LPP: variants seen among roughly 807,000 people sequenced by gnomAD.
LPP encodes LIM domain containing preferred translocation partner in lipoma.
In LPP, 38 loss-of-function variants were observed where a neutral mutation model predicts 60.4. That is an observed-to-expected ratio of 0.63 (90% CI 0.49 to 0.83). The LOEUF is 0.83. Among genes scored for constraint, LPP ranks in the 40% least tolerant of loss-of-function variants. The pLI, the probability that LPP is intolerant of heterozygous loss-of-function variation, is 0.00. For missense variants in LPP, 902 were observed against 783.6 expected, an observed-to-expected ratio of 1.15 and a Z score of -1.80; for synonymous variants, 328 against 290.8, an observed-to-expected ratio of 1.13 and a Z score of -1.30.
chr3:188,697,739 C>G (rs1052080094), intron 7 of LPP, among the ~76,000 whole-genome samples: 1 of 152,148 alleles, frequency 6.6e-6, no homozygotes, highest in African/African-American at 2.4e-5. Context: ...TATCACAATC[C>G]TGACATAAGT....
At chr3:188,491,643 A>G (rs1310074780) in intron 5 of LPP, among the ~76,000 whole-genome samples, 2 of 152,136 alleles carry the variant, frequency 1.3e-5, no homozygotes, top group Non-Finnish European at 2.9e-5. Flanking sequence ...TATGTAGGTC[A>G]TTGTGTGTTT....
Position 188,496,130 on chromosome 3 carries a change from C to CTT in LPP, c.306+11435_306+11436dup, listed in dbSNP as rs375294101. Reference sequence around the variant, plus strand: ...AGCCTGCAAATTTCAAAATTGACGTCTTTTTTTTTTGAGACAGGGTCTTCT... The same window carrying CTT: ...AGCCTGCAAATTTCAAAATTGACGTCTTTTTTTTTTTTGAGACAGGGTCTTCT... On this transcript the variant is annotated intron_variant, in intron 5 of 11. Coordinates refer to ENST00000617246, the MANE Select transcript of LPP (RefSeq NM_001375462.1). Among the ~76,000 whole-genome samples the CTT allele has an allele frequency of 4.8e-3, 720 of 148,628 alleles. 8 individuals are homozygous for CTT. The highest frequency in any genetic ancestry group is 0.017 in the African/African-American group (678 of 40,696).
intron 9 of LPP, among the ~76,000 whole-genome samples, chr3:188,769,614 T>G (rs1735218115): frequency 6.6e-6 from 1 of 152,186 alleles, no homozygotes; most frequent in African/African-American, 2.4e-5. Flanking sequence ...ATTTTATAGC[T>G]GAGAAAGCTA....
chr3:188,820,114 C>T (rs1436955339), intron 9 of LPP, among the ~76,000 whole-genome samples: 1 of 152,130 alleles, frequency 6.6e-6, no homozygotes, highest in African/African-American at 2.4e-5. Context: ...AGCAGATTCT[C>T]CCAAGGAAGT....
chr3:188,282,113 C>G (rs1324793295), intron 2 of LPP, among the ~76,000 whole-genome samples: 1 of 151,924 alleles, frequency 6.6e-6, no homozygotes, highest in African/African-American at 2.4e-5. Context: ...CCTTTTCTCT[C>G]TCCTTCCCTC....
intron 11 of LPP, 140 bp from the exon 12 acceptor site, chr3:188,874,211 G>A (rs1768939535): frequency 1.6e-6 from 1 of 635,430 alleles, no homozygotes; most frequent in Admixed American, 2.9e-5. Context: ...GGATACAGGG[G>A]ATTAGCAGAA....
intron 9 of LPP, among the ~76,000 whole-genome samples, chr3:188,828,236 G>A (rs767552062): frequency 1.3e-5 from 2 of 151,998 alleles, no homozygotes; most frequent in African/African-American, 2.4e-5. Context: ...AGAGAAATAA[G>A]CTGGGAGGGA....
At chr3:188,588,007 G>A (rs1263988115) in intron 6 of LPP, among the ~76,000 whole-genome samples, 1 of 152,190 alleles carries the variant, frequency 6.6e-6, no homozygotes, top group Non-Finnish European at 1.5e-5. Flanking sequence ...TTTTCACAAT[G>A]TGTTAACCTG....
chr3:188,794,448 A>C (rs1268280352), intron 9 of LPP, among the ~76,000 whole-genome samples: 1 of 152,206 alleles, frequency 6.6e-6, no homozygotes, highest in East Asian at 1.9e-4. Flanking sequence ...CTGAAACTGC[A>C]ATTTAAGTGA....
At chr3:188,467,014 C>CA (rs1332820755) in intron 4 of LPP, among the ~76,000 whole-genome samples, 1 of 134,996 alleles carries the variant, frequency 7.4e-6, no homozygotes, top group Non-Finnish European at 1.5e-5. Context: ...ATAGATAGAA[C>CA]AATTTTCTCT....
chr3:188,240,236 A>G (rs559845775), intron 2 of LPP: 4 of 175,306 alleles, frequency 2.3e-5, no homozygotes, highest in African/African-American at 7.1e-5. Flanking sequence ...TCCTTTTGGT[A>G]TCAAATTTTA....
chr3:188,485,656 G>A (rs1165714559), intron 5 of LPP, among the ~76,000 whole-genome samples: 2 of 151,340 alleles, frequency 1.3e-5, no homozygotes, highest in African/African-American at 2.4e-5. Flanking sequence ...AATTAGCCGG[G>A]CGTAGTGGCG....
intron 3 of LPP, among the ~76,000 whole-genome samples, chr3:188,387,628 A>G (rs1009785899): frequency 6.7e-6 from 1 of 148,484 alleles, no homozygotes; most frequent in African/African-American, 2.5e-5. Flanking sequence ...GTGCAGTGGC[A>G]TGATCTCAGC....
At chr3:188,448,303 C>T (rs1795755049) in intron 4 of LPP, among the ~76,000 whole-genome samples, 1 of 151,938 alleles carries the variant, frequency 6.6e-6, no homozygotes, top group Admixed American at 6.6e-5. Flanking sequence ...ATAATATTCT[C>T]ATTTCCCTGG....
chr3:188,471,242 G>C (rs1801763351), intron 4 of LPP, among the ~76,000 whole-genome samples: 1 of 152,148 alleles, frequency 6.6e-6, no homozygotes, highest in African/African-American at 2.4e-5. Flanking sequence ...TGTGAAATCA[G>C]GAAGTGAGTG....
intron 4 of LPP, among the ~76,000 whole-genome samples, chr3:188,417,301 A>G (rs1786567000): frequency 6.6e-6 from 1 of 152,082 alleles, no homozygotes; most frequent in South Asian, 2.1e-4. Flanking sequence ...GCCGTAATAT[A>G]ATATGAAGGA....
intron 9 of LPP, among the ~76,000 whole-genome samples, chr3:188,793,602 A>T (rs1306647324): frequency 6.6e-6 from 1 of 152,150 alleles, no homozygotes; most frequent in African/African-American, 2.4e-5. Context: ...GCCTACTCAT[A>T]TGGGAGTATA....
chr3:188,471,613 G>C (rs1801868845), intron 4 of LPP, among the ~76,000 whole-genome samples: 1 of 152,206 alleles, frequency 6.6e-6, no homozygotes. Context: ...TAGCAGGTCT[G>C]TGGGTTATCC....
At chr3:188,188,157 C>T (rs1179508204) in intron 1 of LPP, among the ~76,000 whole-genome samples, 1 of 152,130 alleles carries the variant, frequency 6.6e-6, no homozygotes, top group Non-Finnish European at 1.5e-5. Context: ...AACTGGAAAG[C>T]CTGTGTCATC....
Sources: allele counts gnomAD v4.1 joint callset (sites outside exome capture counted in the v4.1 genomes callset), GRCh38; gene constraint gnomAD v4.1.1; transcripts MANE v1.5; gene names NCBI Gene and HGNC (gene_info 2026-07-23, HGNC 2026-07-21).